RAP1GDS1: variants seen among roughly 807,000 people sequenced by gnomAD.
RAP1GDS1 encodes Rap1 GTPase-GDP dissociation stimulator 1.
RAP1GDS1 carries 35 observed loss-of-function variants against 71.1 expected under a neutral mutation model. The observed-to-expected ratio is 0.49, with a 90% CI of 0.38 to 0.65. The LOEUF is 0.65. Ranked by LOEUF, RAP1GDS1 falls within the 30% of genes least tolerant of loss-of-function variation. The pLI is 0.00. For synonymous variants in RAP1GDS1, 229 were observed against 243.1 expected (o/e 0.94, Z 0.54); for missense variants, 663 against 706.1 (o/e 0.94, Z 0.69).
chr4:98,273,584 A>C (rs1723792912), intron 1 of RAP1GDS1, among the ~76,000 whole-genome samples: 1 of 152,112 alleles, frequency 6.6e-6, no homozygotes, highest in African/African-American at 2.4e-5. Flanking sequence ...TCTTATCAGA[A>C]TTTATTGTAG....
intron 2 of RAP1GDS1, among the ~76,000 whole-genome samples, chr4:98,293,928 T>G (rs904074091): frequency 2.0e-5 from 3 of 152,076 alleles, no homozygotes; most frequent in Admixed American, 6.6e-5. Context: ...CACTTAACAT[T>G]TTTTTGGAAT....
chr4:98,365,538 G>A (rs563740464), intron 4 of RAP1GDS1, among the ~76,000 whole-genome samples: 4 of 151,540 alleles, frequency 2.6e-5, no homozygotes, highest in South Asian at 2.2e-4. Context: ...TGGGAGGATC[G>A]CTTGAGCCTG....
At chr4:98,309,199 C>A (rs1313938662) in intron 2 of RAP1GDS1, among the ~76,000 whole-genome samples, 1 of 151,732 alleles carries the variant, frequency 6.6e-6, no homozygotes, top group Non-Finnish European at 1.5e-5. Context: ...AAATACTTGG[C>A]CTTAAAGACT....
chr4:98,324,419 A>G (rs1732567941), intron 2 of RAP1GDS1, among the ~76,000 whole-genome samples: 1 of 151,932 alleles, frequency 6.6e-6, no homozygotes, highest in Non-Finnish European at 1.5e-5. Context: ...GGAAAAAACT[A>G]CTTTAAAGTT....
intron 7 of RAP1GDS1, among the ~76,000 whole-genome samples, chr4:98,411,731 T>G (rs960820133): frequency 6.6e-6 from 1 of 152,226 alleles, no homozygotes; most frequent in African/African-American, 2.4e-5. Flanking sequence ...ATGATACCAT[T>G]GAAGGCTTGT....
At chr4:98,299,208 T>G (rs1447114155) in intron 2 of RAP1GDS1, among the ~76,000 whole-genome samples, 3 of 152,200 alleles carry the variant, frequency 2.0e-5, no homozygotes, top group African/African-American at 4.8e-5. Flanking sequence ...GTTTCTAGCT[T>G]CTTCTGTATC....
At chr4:98,303,453 C>T (rs1410193982) in intron 2 of RAP1GDS1, among the ~76,000 whole-genome samples, 1 of 151,426 alleles carries the variant, frequency 6.6e-6, no homozygotes, top group Non-Finnish European at 1.5e-5. Flanking sequence ...TATATTAAAT[C>T]TTATTTTAAA....
At chr4:98,378,615 A>G (rs1478712697) in intron 4 of RAP1GDS1, among the ~76,000 whole-genome samples, 1 of 151,628 alleles carries the variant, frequency 6.6e-6, no homozygotes, top group Non-Finnish European at 1.5e-5. Flanking sequence ...AAAAAGTTAT[A>G]TTTAGTGATT....
At chr4:98,299,460 T>A (rs928005656) in intron 2 of RAP1GDS1, among the ~76,000 whole-genome samples, 1 of 152,134 alleles carries the variant, frequency 6.6e-6, no homozygotes, top group Non-Finnish European at 1.5e-5. Context: ...TGACTTTGAG[T>A]AGTTCAAAAC....
At chr4:98,427,845 G>A (rs941945100) in intron 12 of RAP1GDS1, among the ~76,000 whole-genome samples, 23 of 152,020 alleles carry the variant, frequency 1.5e-4, no homozygotes, top group African/African-American at 5.3e-4. Context: ...ATTCTTCACA[G>A]AACTAGAAAA....
chr4:98,355,327 A>G (rs1354689187), intron 4 of RAP1GDS1, among the ~76,000 whole-genome samples: 1 of 152,216 alleles, frequency 6.6e-6, no homozygotes, highest in African/African-American at 2.4e-5. Flanking sequence ...AGTATGTTCT[A>G]AAGAGTTCAT....
intron 2 of RAP1GDS1, among the ~76,000 whole-genome samples, chr4:98,318,358 A>T (rs1472033714): frequency 1.3e-5 from 2 of 152,202 alleles, no homozygotes; most frequent in African/African-American, 4.8e-5. Context: ...TCCGGTACAT[A>T]CATACTTGTG....
At position 98,287,312 on chromosome 4, in the gene RAP1GDS1, T is replaced by C. The variant is rs142530306; in HGVS notation, c.5-6096T>C. On this transcript the variant is annotated intron_variant, in intron 1 of 14. Coordinates refer to ENST00000408927, the MANE Select transcript of RAP1GDS1 (RefSeq NM_001100427.2). ...ATCTCATAAATAGATTACAAACTTATTGATGAAGTTTAATTTTGGGATTTA... is the reference window on the plus strand; with the variant it reads ...ATCTCATAAATAGATTACAAACTTACTGATGAAGTTTAATTTTGGGATTTA... Among the ~76,000 whole-genome samples, 687 of 152,334 alleles carry C rather than the reference T, an allele frequency of 4.5e-3. 4 individuals are homozygous for C. The highest frequency in any genetic ancestry group is 0.017 in the Middle Eastern group (5 of 294).
intron 4 of RAP1GDS1, among the ~76,000 whole-genome samples, chr4:98,360,847 G>A (rs1262177509): frequency 1.3e-5 from 2 of 152,012 alleles, no homozygotes; most frequent in African/African-American, 2.4e-5. Context: ...CGAGGCAGGT[G>A]GATCACTTGA....
At chr4:98,302,626 A>G (rs980402574) in intron 2 of RAP1GDS1, among the ~76,000 whole-genome samples, 4 of 152,236 alleles carry the variant, frequency 2.6e-5, no homozygotes, top group African/African-American at 7.2e-5. Context: ...CCCACCATAT[A>G]CTTGTGAAAA....
At chr4:98,328,639 GT>G (rs527730050) in intron 2 of RAP1GDS1, among the ~76,000 whole-genome samples, 3 of 151,990 alleles carry the variant, frequency 2.0e-5, no homozygotes, top group African/African-American at 7.3e-5. Flanking sequence ...GTGTTTTATA[GT>G]TTTTTTTAAT....
At chr4:98,334,465 C>G (rs1734425172) in intron 2 of RAP1GDS1, among the ~76,000 whole-genome samples, 1 of 152,134 alleles carries the variant, frequency 6.6e-6, no homozygotes, top group African/African-American at 2.4e-5. Flanking sequence ...ACAAGTCTAT[C>G]TTTTGTTTGC....
chr4:98,388,729 A>C (rs1468705086), intron 5 of RAP1GDS1, among the ~76,000 whole-genome samples: 2 of 152,166 alleles, frequency 1.3e-5, no homozygotes, highest in Non-Finnish European at 2.9e-5. Flanking sequence ...TCGTCTCAAA[A>C]ATTTTTTTTT....
In RAP1GDS1 at chr4:98,342,864, T is replaced by C. The variant is rs549856218; in HGVS notation, c.113-275T>C. ...GAACTAACATTGAGAGTAAGTTTGG[T>C]ATGCAAATGATATATTCAGAAAGAA... is the stretch of plus-strand genomic sequence containing the variant. On this transcript the variant is annotated intron_variant, in intron 2 of 14. Transcript: ENST00000408927. Among the ~76,000 whole-genome samples, 5 of 152,304 alleles carry C rather than the reference T, an allele frequency of 3.3e-5. No individual in the cohort carries two copies. The East Asian group carries it at 9.6e-4, about 29-fold the overall frequency.
Sources: allele counts gnomAD v4.1 joint callset (sites outside exome capture counted in the v4.1 genomes callset), GRCh38; gene constraint gnomAD v4.1.1; transcripts MANE v1.5; gene names NCBI Gene and HGNC (gene_info 2026-07-23, HGNC 2026-07-21).